ARHGAP23: variants seen among roughly 807,000 people sequenced by gnomAD.
ARHGAP23 encodes Rho GTPase activating protein 23.
Under a neutral mutation model 136.3 loss-of-function variants are expected in ARHGAP23, and 34 were observed. The ratio of observed to expected loss-of-function variants is 0.25; its 90% CI spans 0.19 to 0.33. The LOEUF (loss-of-function observed/expected upper bound fraction) is 0.33. Ranked by LOEUF, ARHGAP23 falls within the 10% of genes least tolerant of loss-of-function variation. The probability of loss-of-function intolerance (pLI) is 1.00; values close to 1 mark genes in which losing one functional copy is unlikely to be tolerated. For synonymous variants in ARHGAP23, 832 were observed against 920.5 expected, an observed-to-expected ratio of 0.90 and a Z score of 1.74; for missense variants, 1,808 against 2,139.0, an observed-to-expected ratio of 0.85 and a Z score of 3.05.
At chr17:38,431,198 T>C (rs1429869182) in intron 1 of ARHGAP23, among the ~76,000 whole-genome samples, 1 of 152,204 alleles carries the variant, frequency 6.6e-6, no homozygotes, top group Non-Finnish European at 1.5e-5. Context: ...AAGATCAAGG[T>C]CAGCTTCTGG....
intron 10 of ARHGAP23, among the ~76,000 whole-genome samples, chr17:38,470,246 C>T (rs569702592): frequency 6.6e-6 from 1 of 152,308 alleles, no homozygotes; most frequent in South Asian, 2.1e-4. Flanking sequence ...TTTCACGCCT[C>T]CCTTCGCTAC....
intron 1 of ARHGAP23, among the ~76,000 whole-genome samples, chr17:38,435,659 A>G (rs571624899): frequency 5.1e-4 from 77 of 152,144 alleles, no homozygotes; most frequent in African/African-American, 1.8e-3. Context: ...CTGGGGTGCA[A>G]TGGCGCGATC....
chr17:38,425,804 A>G (rs2144464220), upstream of ARHGAP23, among the ~76,000 whole-genome samples: 1 of 152,140 alleles, frequency 6.6e-6, no homozygotes, highest in South Asian at 2.1e-4. Context: ...AGAGCAGCTA[A>G]AGAAGATAGA....
At chr17:38,442,808 C>T (rs928421193) in intron 1 of ARHGAP23, among the ~76,000 whole-genome samples, 6 of 152,154 alleles carry the variant, frequency 3.9e-5, no homozygotes, top group South Asian at 2.1e-4. Flanking sequence ...GGCCAAGGCG[C>T]GTCCCACAGG....
chr17:38,473,005 C>T (rs1335320135), intron 11 of ARHGAP23, among the ~76,000 whole-genome samples: 4 of 152,100 alleles, frequency 2.6e-5, no homozygotes, highest in Admixed American at 6.5e-5. Flanking sequence ...GGCGCGATCT[C>T]GGCTCACTAC....
rs7501857 is a variant in ARHGAP23, at chr17:38,469,489, G to A, written c.1805-35G>A. 215 of 1,536,114 alleles carry A rather than the reference G, an allele frequency of 1.4e-4. 1 individual carries two copies. In the African/African-American group the frequency reaches 2.3e-3, roughly 17 times the overall value. Reference sequence around the variant, plus strand: ...TGGGAAGCCCCTGACCTGCTGCCCCGCTGACCCTGAGGCCCGATGTGGGCG... The same window carrying A: ...TGGGAAGCCCCTGACCTGCTGCCCCACTGACCCTGAGGCCCGATGTGGGCG... On this transcript the variant is annotated intron_variant, in intron 8 of 23. Coordinates refer to ENST00000622683, the MANE Select transcript of ARHGAP23 (RefSeq NM_001199417.2).
intron 20 of ARHGAP23, among the ~76,000 whole-genome samples, chr17:38,497,112 A>T (rs1365900305): frequency 2.0e-5 from 3 of 152,190 alleles, no homozygotes; most frequent in Non-Finnish European, 4.4e-5. Context: ...GTGTTCATTT[A>T]TAAGCAATCT....
At position 38,489,181 on chromosome 17, in the gene ARHGAP23, A is replaced by G. The variant is rs557404624; in HGVS notation, c.2987-921A>G. ...AGATGTGAGCCACTGTGCCTGGCCG[A>G]AAACAATTGTTTAAAATGTGACCAA... On this transcript the variant is annotated intron_variant, in intron 17 of 23. Transcript: ENST00000622683. Among the ~76,000 whole-genome samples, 4 of 152,348 alleles carry G rather than the reference A, an allele frequency of 2.6e-5. No individual in the cohort carries two copies. The East Asian group carries it at 7.7e-4, about 29-fold the overall frequency.
rs2039375751 is a variant in ARHGAP23, at chr17:38,458,222, A to G, written c.184A>G (p.Ile62Val). 2 of 1,535,410 alleles carry G rather than the reference A, an allele frequency of 1.3e-6. No homozygotes were observed. The highest frequency in any genetic ancestry group is 2.0e-5 in the Admixed American group (1 of 50,932). ...DGFGFTLRHFIVYPPESAVHC... is the reference protein window; with the variant it reads ...DGFGFTLRHFVVYPPESAVHC... ...CTTTGGCTTCACTCTGCGCCACTTCATCGTGTACCCACCCGAGTCGGCCGT... is the reference window on the plus strand; with the variant it reads ...CTTTGGCTTCACTCTGCGCCACTTCGTCGTGTACCCACCCGAGTCGGCCGT... Residue 62 changes from isoleucine (I) to valine (V), a missense_variant, in exon 2 of 24, where the codon ATC becomes GTC. This residue lies in a region of ARHGAP23 where 859 missense variants were observed against 936.4 expected (regional missense o/e 0.92). Transcript: ENST00000622683.
chr17:38,493,985 C>T (rs576284337), intron 20 of ARHGAP23, among the ~76,000 whole-genome samples: 46 of 151,920 alleles, frequency 3.0e-4, no homozygotes, highest in African/African-American at 9.4e-4. Context: ...CACTAGTGAG[C>T]GCTGGGGTCC....
At chr17:38,476,111 G>T (rs557683590) in intron 11 of ARHGAP23, among the ~76,000 whole-genome samples, 2 of 152,340 alleles carry the variant, frequency 1.3e-5, no homozygotes, top group Admixed American at 1.3e-4. Context: ...GGAGACCTTA[G>T]ATTTGATTCT....
intron 1 of ARHGAP23, among the ~76,000 whole-genome samples, chr17:38,429,394 A>G (rs1277338103): frequency 6.6e-6 from 1 of 152,144 alleles, no homozygotes; most frequent in Non-Finnish European, 1.5e-5. Flanking sequence ...CCCTGCTCCT[A>G]AGTTGAAGGG....
At chr17:38,462,973 T>G in intron 4 of ARHGAP23, 32 bp downstream of exon 4, 1 of 1,545,012 alleles carries the variant, frequency 6.5e-7, no homozygotes, top group Non-Finnish European at 8.7e-7. Context: ...GGCTCTACTT[T>G]CTACCTTCTG....
chr17:38,461,389 C>T (rs973863088), intron 3 of ARHGAP23, among the ~76,000 whole-genome samples: 1 of 152,204 alleles, frequency 6.6e-6, no homozygotes, highest in African/African-American at 2.4e-5. Context: ...GTCTTTCTCT[C>T]ATATGATGTG....
intron 1 of ARHGAP23, among the ~76,000 whole-genome samples, chr17:38,432,889 A>G (rs556146324): frequency 6.6e-6 from 1 of 152,208 alleles, no homozygotes; most frequent in South Asian, 2.1e-4. Flanking sequence ...TGAGGTCCAA[A>G]TTTTAGATGT....
At chr17:38,441,227 C>T (rs1476694015) in intron 1 of ARHGAP23, among the ~76,000 whole-genome samples, 1 of 152,244 alleles carries the variant, frequency 6.6e-6, no homozygotes, top group Non-Finnish European at 1.5e-5. Flanking sequence ...AGCCCATGCC[C>T]CATTCCCCAT....
Position 38,477,579 on chromosome 17 carries a change from A to C in ARHGAP23, c.2119A>C (p.Lys707Gln). 1 of 1,267,452 alleles carries C rather than the reference A, an allele frequency of 7.9e-7. No individual in the cohort carries two copies. Among genetic ancestry groups the C allele is most frequent in the African/African-American group, 1.6e-5 (1 of 63,570 alleles). The allele number at this position is 1,267,452 out of a possible 1,614,324, so 78.5% of individuals were successfully genotyped here. A position where few individuals can be genotyped will look rare whatever the true frequency, so the allele number is the denominator to read the frequency against. ...CCCCCAACCCCGTGTCTCCCTGCAG[A>C]AAGCGGGCAGCGGCCTGCGCCAGTG... The part of the protein sequence containing the change: ...YKQILTKKGK[K>Q]AGSGLRQWKR... The change falls in exon 12 of 24, where the codon AAA becomes CAA. Residue 707 changes from lysine (K) to glutamine (Q), a missense_variant and splice_region_variant. Transcript: ENST00000622683. This position sits in a 1 kb window ranked among gnomAD's most constrained non-coding sequence, Gnocchi z 6.6.
intron 1 of ARHGAP23, among the ~76,000 whole-genome samples, chr17:38,447,312 C>T (rs961073178): frequency 3.3e-5 from 5 of 151,490 alleles, no homozygotes; most frequent in African/African-American, 4.8e-5. Context: ...CGTGGTGGCA[C>T]GTGCCTGTAA....
Position 38,510,649 on chromosome 17 carries a change from G to A in ARHGAP23, c.4153G>A (p.Ala1385Thr), listed in dbSNP as rs1417570485. The change falls in exon 24 of 24, where the codon GCC (alanine) becomes ACC (threonine). Residue 1385 changes from alanine (A) to threonine (T), a missense_variant. Ala to Thr is a moderately conservative substitution (Grantham distance 58). Coordinates refer to ENST00000622683, the MANE Select transcript of ARHGAP23 (RefSeq NM_001199417.2). The surrounding 1 kb of genome is among the most constrained non-coding windows in gnomAD (Gnocchi z 4.6). ...RLRGTADDML[A>T]VRLRRPLSPE... ...CCGCGGCACGGCGGACGACATGCTC[G>A]CCGTGCGCCTGCGGCGGCCGCTGTC... 4.4e-6 allele frequency: 6 copies of A among 1,369,430 alleles called. No individual in the cohort carries two copies. Among genetic ancestry groups the A allele is most frequent in the Non-Finnish European group, 5.6e-6 (6 of 1,070,070 alleles). 84.8% of individuals were successfully genotyped at this position (1,369,430 alleles called of 1,614,324 possible). A position where few individuals can be genotyped will look rare whatever the true frequency, so the allele number is the denominator to read the frequency against.
Sources: allele counts gnomAD v4.1 joint callset (sites outside exome capture counted in the v4.1 genomes callset), GRCh38; gene constraint gnomAD v4.1.1; regional missense constraint gnomAD v4.1.1; non-coding constraint Gnocchi (gnomAD v3.1); transcripts MANE v1.5; gene names NCBI Gene and HGNC (gene_info 2026-07-23, HGNC 2026-07-21).